Variants in FANCC observed in about 807,000 individuals in gnomAD.
FANCC encodes the protein FA complementation group C.
In FANCC, 55 loss-of-function variants were observed where a neutral mutation model predicts 71.3. The observed-to-expected ratio is 0.77, with a 90% CI of 0.62 to 0.97. The LOEUF (loss-of-function observed/expected upper bound fraction) is 0.97, where lower values mean the gene tolerates loss of function less well. Among genes scored for constraint, FANCC ranks in the 50% least tolerant of loss-of-function variants. The pLI, the probability that FANCC is intolerant of heterozygous loss-of-function variation, is 0.00. For synonymous variants in FANCC, 275 were observed against 244.9 expected (o/e 1.12, Z -1.15); for missense variants, 678 against 670.9 (o/e 1.01, Z -0.12).
rs138665747 is a variant in FANCC at position 95,270,127 on chromosome 9, T to C, written c.-78-20758A>G. On this transcript the variant is annotated intron_variant, in intron 1 of 14. Coordinates refer to ENST00000289081, the MANE Select transcript of FANCC (RefSeq NM_000136.3). ...GTACATAACAAAATGGAGTCTCCTA[T>C]GTCTACTTCTTTCTACACAGACACA... Among the ~76,000 whole-genome samples, 451 of 152,330 alleles carry C rather than the reference T, an allele frequency of 3.0e-3. 3 individuals carry two copies. Among genetic ancestry groups the C allele is most frequent in the Non-Finnish European group, 4.8e-3 (329 of 68,034 alleles).
At chr9:95,259,858 C>A (rs2136160125) in intron 1 of FANCC, among the ~76,000 whole-genome samples, 2 of 152,038 alleles carry the variant, frequency 1.3e-5, no homozygotes, top group African/African-American at 2.4e-5. Context: ...AAAAAAACAA[C>A]CCCATCAAAA....
At chr9:95,127,354 G>T (rs1172734117) in intron 8 of FANCC, 1 of 152,206 alleles carries the variant, frequency 6.6e-6, no homozygotes, top group African/African-American at 2.4e-5. Flanking sequence ...TTATAGCAGG[G>T]TCCGTAACTT....
At chr9:95,212,918 T>C (rs1828597233) in intron 4 of FANCC, among the ~76,000 whole-genome samples, 1 of 152,158 alleles carries the variant, frequency 6.6e-6, no homozygotes, top group Non-Finnish European at 1.5e-5. Flanking sequence ...ATGCAAAATA[T>C]GAATATTATA....
At chr9:95,155,343 AAGGGAGGGAGGGAGGG>A (rs1232805962) in intron 6 of FANCC, among the ~76,000 whole-genome samples, 36 of 26,392 alleles carry the variant, frequency 1.4e-3, no homozygotes, top group African/African-American at 6.6e-3. Flanking sequence ...GGAAGGGAGG[AAGGGAGGGAGGGAGGG>A]AGGGAGGGAG....
chr9:95,155,104 G>A (rs1291294093), intron 6 of FANCC, among the ~76,000 whole-genome samples: 3 of 150,500 alleles, frequency 2.0e-5, no homozygotes, highest in Non-Finnish European at 4.4e-5. Flanking sequence ...CCACTCGGGA[G>A]GCTGAGGTGG....
chr9:95,126,696 C>A, intron 8 of FANCC, 115 bp from the exon 9 acceptor site: 4 of 1,065,898 alleles, frequency 3.8e-6, no homozygotes, highest in Non-Finnish European at 5.7e-6. Flanking sequence ...AACTGGCATA[C>A]TCCTTTTGGT....
chr9:95,111,726 T>A, intron 12 of FANCC, 89 bp from the exon 13 acceptor site: 2 of 1,502,628 alleles, frequency 1.3e-6, no homozygotes, highest in East Asian at 2.3e-5. Flanking sequence ...TGCCAACGGT[T>A]GGCTTAAATT....
At chr9:95,148,149 C>G (rs1382833817) in intron 7 of FANCC, among the ~76,000 whole-genome samples, 4 of 152,184 alleles carry the variant, frequency 2.6e-5, no homozygotes, top group Non-Finnish European at 4.4e-5. Flanking sequence ...ATATGAATGT[C>G]TGATGAAGCA....
intron 7 of FANCC, among the ~76,000 whole-genome samples, chr9:95,139,834 TTATATA>T (rs539221326): frequency 7.0e-6 from 1 of 143,164 alleles, no homozygotes; most frequent in African/African-American, 2.6e-5. Flanking sequence ...ATATATATAT[TTATATA>T]TATATATATA....
intron 1 of FANCC, among the ~76,000 whole-genome samples, chr9:95,309,009 A>G (rs7357617): frequency 0.23 from 34,341 of 152,122 alleles, 5,037 homozygotes; most frequent in Non-Finnish European, 0.33. Flanking sequence ...TGCATCTCGA[A>G]AAAAGAAAAA....
intron 1 of FANCC, among the ~76,000 whole-genome samples, chr9:95,309,672 T>A (rs1835268361): frequency 6.6e-6 from 1 of 152,198 alleles, no homozygotes; most frequent in Admixed American, 6.5e-5. Flanking sequence ...TGCCTTTGGT[T>A]TCCAGTAATT....
In FANCC at chr9:95,141,042, T is replaced by C. The variant is rs867049698; in HGVS notation, c.687-5540A>G. On this transcript the variant is annotated intron_variant, in intron 7 of 14. Transcript: ENST00000289081. Reference sequence around the variant, plus strand: ...AAACAGGATGTGGCTGGGCACAGTGTCTCAGGCCTGTAGTCTCAGCACTTT... The same window carrying C: ...AAACAGGATGTGGCTGGGCACAGTGCCTCAGGCCTGTAGTCTCAGCACTTT... Among the ~76,000 whole-genome samples, 10 of 152,154 alleles carry C rather than the reference T, an allele frequency of 6.6e-5. 2 individuals carry two copies. In the Middle Eastern group the frequency reaches 0.031, roughly 466 times the overall value.
intron 4 of FANCC, among the ~76,000 whole-genome samples, chr9:95,196,523 G>C (rs993679350): frequency 6.6e-6 from 1 of 151,836 alleles, no homozygotes; most frequent in African/African-American, 2.4e-5. Flanking sequence ...TGTATACCTA[G>C]TTATTTTTAT....
At chr9:95,211,256 A>C (rs1213473403) in intron 4 of FANCC, among the ~76,000 whole-genome samples, 6 of 152,212 alleles carry the variant, frequency 3.9e-5, no homozygotes, top group South Asian at 2.1e-4. Context: ...AGAGCACAGA[A>C]GTTTCACTGA....
chr9:95,231,426 C>T lies in FANCC; in HGVS notation c.345+9223G>A, dbSNP rs1451557572. Among the ~76,000 whole-genome samples the T allele has an allele frequency of 2.6e-5, 4 of 151,352 alleles. No individual in the cohort carries two copies. The East Asian group carries it at 7.8e-4, about 30-fold the overall frequency. ...AGCCTCAGGAAGTTCACAACATTTG[C>T]AGCAGGGAGGCGCCTGGCCCCTCCT... On this transcript the variant is annotated intron_variant, in intron 4 of 14. Coordinates refer to ENST00000289081, the MANE Select transcript of FANCC (RefSeq NM_000136.3).
rs183070419 is a variant in FANCC at position 95,275,591 on chromosome 9, G to A, written c.-78-26222C>T. ...AGTAGGGGGATGTTATGCATGTGGG[G>A]GCATGGGGTATAGAGGAAATCTCTG... On this transcript the variant is annotated intron_variant, in intron 1 of 14. Transcript: ENST00000289081. Among the ~76,000 whole-genome samples the A allele has an allele frequency of 1.1e-4, 17 of 152,106 alleles. No individual in the cohort carries two copies. The East Asian group carries it at 3.3e-3, about 29-fold the overall frequency.
At chr9:95,199,009 G>T (rs1240090297) in intron 4 of FANCC, among the ~76,000 whole-genome samples, 1 of 152,152 alleles carries the variant, frequency 6.6e-6, no homozygotes, top group East Asian at 1.9e-4. Context: ...TTACAGGTGT[G>T]AGCTACTGTG....
At chr9:95,210,467 C>T (rs1828423738) in intron 4 of FANCC, among the ~76,000 whole-genome samples, 1 of 152,024 alleles carries the variant, frequency 6.6e-6, no homozygotes, top group Non-Finnish European at 1.5e-5. Context: ...ATCACAATGA[C>T]AATAATTAAC....
intron 1 of FANCC, among the ~76,000 whole-genome samples, chr9:95,276,932 T>C (rs78062739): frequency 0.012 from 1,783 of 152,356 alleles, 45 homozygotes; most frequent in African/African-American, 0.038. Context: ...CTCTAGTACA[T>C]TGAATTTGGA....
Sources: allele counts gnomAD v4.1 joint callset (sites outside exome capture counted in the v4.1 genomes callset), GRCh38; gene constraint gnomAD v4.1.1; transcripts MANE v1.5; gene names NCBI Gene and HGNC (gene_info 2026-07-23, HGNC 2026-07-21).